The following CSMD2 variants were observed in gnomAD, a reference collection of about 807,000 sequenced individuals.
CSMD2 encodes CUB and Sushi multiple domains 2.
CSMD2 carries 130 observed loss-of-function variants against 398.5 expected under a neutral mutation model. That is an observed-to-expected ratio of 0.33 (90% CI 0.28 to 0.38). CSMD2 has a LOEUF of 0.38. Ranked by LOEUF, CSMD2 falls within the 10% of genes least tolerant of loss-of-function variation. The pLI is 1.00. For synonymous variants in CSMD2, 1,828 were observed against 1,908.5 expected (o/e 0.96, Z 1.10); for missense variants, 3,829 against 4,764.9 (o/e 0.80, Z 5.78).
At chr1:34,151,889 C>A (rs1294124512) in intron 1 of CSMD2, among the ~76,000 whole-genome samples, 1 of 146,096 alleles carries the variant, frequency 6.8e-6, no homozygotes. Flanking sequence ...GTCACCCAGG[C>A]TGGAGTGTAG....
chr1:33,615,553 G>C (rs543407415), intron 39 of CSMD2, among the ~76,000 whole-genome samples: 170 of 152,230 alleles, frequency 1.1e-3, no homozygotes, highest in African/African-American at 4.0e-3. Flanking sequence ...AAACCCTCCA[G>C]AACTCGGTTT....
At chr1:34,009,331 C>T (rs1237492282) in intron 3 of CSMD2, among the ~76,000 whole-genome samples, 1 of 150,932 alleles carries the variant, frequency 6.6e-6, no homozygotes, top group Non-Finnish European at 1.5e-5. Flanking sequence ...CTTGCCTCAG[C>T]CCCCTGAATT....
chr1:33,557,961 A>C lies in CSMD2; in HGVS notation c.8555-39T>G, dbSNP rs781564060. 11 of 1,507,748 alleles carry C rather than the reference A, an allele frequency of 7.3e-6. No homozygotes were observed. The South Asian group carries it at 1.1e-4, about 15-fold the overall frequency. 93.4% of individuals were successfully genotyped at this position (1,507,748 alleles called of 1,614,324 possible). ...GAAGTCCAAACAGGCATGGATTCCC[A>C]GTATAGTAAAATCTTCCGAGCAAAA... On this transcript the variant is annotated intron_variant, in intron 54 of 70. Transcript: ENST00000373381.
chr1:33,997,151 C>T (rs768712953), intron 3 of CSMD2, among the ~76,000 whole-genome samples: 6 of 152,162 alleles, frequency 3.9e-5, no homozygotes, highest in Non-Finnish European at 5.9e-5. Context: ...TATGAAGAAA[C>T]GAGAGTCGGT....
At chr1:33,972,691 G>A (rs1331909917) in intron 3 of CSMD2, among the ~76,000 whole-genome samples, 1 of 152,142 alleles carries the variant, frequency 6.6e-6, no homozygotes. Context: ...CCTCCAGAAG[G>A]AATCGGCCCT....
chr1:33,771,721 C>A (rs1345030650), intron 13 of CSMD2, among the ~76,000 whole-genome samples: 2 of 152,130 alleles, frequency 1.3e-5, no homozygotes, highest in Non-Finnish European at 2.9e-5. Context: ...AAGTAACCCA[C>A]TGAGCCGGGT....
chr1:33,745,100 G>A (rs1281004589), intron 13 of CSMD2, among the ~76,000 whole-genome samples: 1 of 152,168 alleles, frequency 6.6e-6, no homozygotes, highest in East Asian at 1.9e-4. Flanking sequence ...ATGTGATACA[G>A]TTTGACTGCA....
At chr1:33,733,786 T>A (rs1298766196) in intron 15 of CSMD2, among the ~76,000 whole-genome samples, 1 of 152,238 alleles carries the variant, frequency 6.6e-6, no homozygotes, top group Non-Finnish European at 1.5e-5. Flanking sequence ...AGTGTAAGTT[T>A]CCTGAGGCCT....
Sources: gnomAD v4.1 joint callset for allele counts (sites outside exome capture counted in the v4.1 genomes callset) on GRCh38, gnomAD v4.1.1 for gene constraint, MANE v1.5 for transcripts, NCBI Gene and HGNC (gene_info 2026-07-23, HGNC 2026-07-21) for gene names.